Variants in AK5 observed in about 807,000 individuals in gnomAD.
AK5 encodes adenylate kinase isoenzyme 5.
Under a neutral mutation model 69.5 loss-of-function variants are expected in AK5, and 27 were observed. The observed-to-expected ratio is 0.39, with a 90% CI of 0.29 to 0.54. The LOEUF (loss-of-function observed/expected upper bound fraction) is 0.54, where lower values mean the gene tolerates loss of function less well. Ranked by LOEUF, AK5 falls within the 20% of genes least tolerant of loss-of-function variation. The pLI, the probability that AK5 is intolerant of heterozygous loss-of-function variation, is 0.71. For synonymous variants in AK5, 260 were observed against 244.4 expected, an observed-to-expected ratio of 1.06 and a Z score of -0.60; for missense variants, 531 against 700.4, an observed-to-expected ratio of 0.76 and a Z score of 2.73.
At chr1:77,406,140 T>C (rs759285309) in intron 6 of AK5, among the ~76,000 whole-genome samples, 3 of 135,368 alleles carry the variant, frequency 2.2e-5, no homozygotes, top group Non-Finnish European at 3.2e-5. Context: ...AGCCAGCATA[T>C]GTAGATGTGA....
chr1:77,526,536 T>A (rs1255732724), intron 12 of AK5, among the ~76,000 whole-genome samples: 1 of 136,724 alleles, frequency 7.3e-6, no homozygotes, highest in Admixed American at 8.3e-5. Context: ...AGTGCCGTGG[T>A]GCGATCTTGG....
chr1:77,411,110 T>C (rs770549259), intron 7 of AK5, 39 bp downstream of exon 7: 2 of 1,548,378 alleles, frequency 1.3e-6, no homozygotes, highest in African/African-American at 1.4e-5. Context: ...TACGCCGTGA[T>C]CACCTGCCAA....
chr1:77,529,746 A>T (rs1658479306), intron 12 of AK5, among the ~76,000 whole-genome samples: 1 of 152,240 alleles, frequency 6.6e-6, no homozygotes, highest in Admixed American at 6.5e-5. Context: ...AACAGAAGTC[A>T]TATTAACAAA....
chr1:77,464,930 T>G (rs1654050088), intron 8 of AK5, among the ~76,000 whole-genome samples: 1 of 152,152 alleles, frequency 6.6e-6, no homozygotes, highest in African/African-American at 2.4e-5. Flanking sequence ...CCAGTACCTT[T>G]TATCTAATTC....
chr1:77,495,009 C>T (rs1471558570), intron 10 of AK5, among the ~76,000 whole-genome samples: 1 of 152,038 alleles, frequency 6.6e-6, no homozygotes, highest in Non-Finnish European at 1.5e-5. Context: ...GTCTCAATAT[C>T]CTGACCTCGT....
chr1:77,368,552 T>C (rs1647062643), intron 6 of AK5, among the ~76,000 whole-genome samples: 1 of 151,690 alleles, frequency 6.6e-6, no homozygotes, highest in African/African-American at 2.4e-5. Context: ...TGAATTCATA[T>C]GCTAATGATA....
intron 8 of AK5, among the ~76,000 whole-genome samples, chr1:77,463,237 G>C (rs1376382146): frequency 2.0e-5 from 3 of 152,198 alleles, no homozygotes; most frequent in African/African-American, 7.2e-5. Context: ...CTTCTCTGGG[G>C]AGGAGTAAGT....
At chr1:77,375,351 CAGAA>C (rs1647205577) in intron 6 of AK5, among the ~76,000 whole-genome samples, 1 of 152,124 alleles carries the variant, frequency 6.6e-6, no homozygotes, top group Middle Eastern at 3.2e-3. Flanking sequence ...TGAGTTCTAT[CAGAA>C]AGAGTGTCAC....
intron 8 of AK5, among the ~76,000 whole-genome samples, chr1:77,470,854 TATATATATATATATATATATA>T (rs1382246251): frequency 0.075 from 2,333 of 31,144 alleles, 210 homozygotes; most frequent in African/African-American, 0.17. Context: ...TATATATATA[TATATATATATATATATATATA>T]TTTTTTTTTT....
chr1:77,392,200 T>G (rs546314942), intron 6 of AK5, among the ~76,000 whole-genome samples: 2 of 152,316 alleles, frequency 1.3e-5, no homozygotes, highest in African/African-American at 4.8e-5. Flanking sequence ...ATACTATGAG[T>G]ATTATTACAA....
intron 10 of AK5, among the ~76,000 whole-genome samples, chr1:77,488,395 C>CCA (rs1200698728): frequency 2.7e-4 from 5 of 18,274 alleles, no homozygotes; most frequent in Non-Finnish European, 1.2e-3. Context: ...GGCATCCAGA[C>CCA]CATACAGAGT....
At chr1:77,480,066 G>A (rs1443652139) in intron 8 of AK5, among the ~76,000 whole-genome samples, 1 of 152,058 alleles carries the variant, frequency 6.6e-6, no homozygotes, top group Non-Finnish European at 1.5e-5. Flanking sequence ...GTGCTTACAG[G>A]GGCTGTTTGG....
intron 5 of AK5, among the ~76,000 whole-genome samples, chr1:77,324,058 A>G (rs915161908): frequency 6.6e-6 from 1 of 152,336 alleles, no homozygotes; most frequent in South Asian, 2.1e-4. Flanking sequence ...TCTGGGTTCA[A>G]CTCAAGGCAC....
intron 6 of AK5, among the ~76,000 whole-genome samples, chr1:77,361,564 T>C (rs1480074171): frequency 6.6e-6 from 1 of 152,218 alleles, no homozygotes; most frequent in Non-Finnish European, 1.5e-5. Flanking sequence ...GTGTGTATCA[T>C]GAGCCCTGTG....
intron 6 of AK5, among the ~76,000 whole-genome samples, chr1:77,357,179 T>C (rs1019267121): frequency 1.3e-5 from 2 of 152,194 alleles, no homozygotes; most frequent in Admixed American, 6.5e-5. Context: ...ATAAACCTTA[T>C]GCTGGTGAAA....
intron 1 of AK5, 26 bp downstream of exon 1, chr1:77,282,399 G>A (rs780630971): frequency 1.3e-6 from 2 of 1,535,426 alleles, no homozygotes; most frequent in South Asian, 1.2e-5. Flanking sequence ...GCCGACGGGC[G>A]GTAGCATCCG....
chr1:77,535,786 C>T (rs1052510075), intron 12 of AK5, 61 bp from the exon 13 acceptor site: 2 of 1,510,870 alleles, frequency 1.3e-6, no homozygotes, highest in South Asian at 2.5e-5. Flanking sequence ...GGCCCTGGGC[C>T]TTTCCAGAAC....
At chr1:77,398,662 C>T (rs989772582) in intron 6 of AK5, among the ~76,000 whole-genome samples, 3 of 152,144 alleles carry the variant, frequency 2.0e-5, no homozygotes, top group Non-Finnish European at 4.4e-5. Flanking sequence ...CAGTGTAATT[C>T]TTGTCTAAAA....
intron 10 of AK5, among the ~76,000 whole-genome samples, chr1:77,508,276 C>T (rs1657133382): frequency 6.6e-6 from 1 of 152,142 alleles, no homozygotes; most frequent in African/African-American, 2.4e-5. Flanking sequence ...AAGTAAATTG[C>T]AGATGTCTGT....
Sources: gnomAD v4.1 joint callset for allele counts (sites outside exome capture counted in the v4.1 genomes callset) on GRCh38, gnomAD v4.1.1 for gene constraint, MANE v1.5 for transcripts, NCBI Gene and HGNC (gene_info 2026-07-23, HGNC 2026-07-21) for gene names.